BZW1: variants seen among roughly 807,000 people sequenced by gnomAD.
BZW1 encodes the protein basic leucine zipper and W2 domains 1.
BZW1 carries 3 observed loss-of-function variants against 54.1 expected under a neutral mutation model. That is an observed-to-expected ratio of 0.06 (90% CI 0.03 to 0.14). The LOEUF (loss-of-function observed/expected upper bound fraction) is 0.14, where lower values mean the gene tolerates loss of function less well. Among genes scored for constraint, BZW1 ranks in the 10% least tolerant of loss-of-function variants. The probability of loss-of-function intolerance (pLI) is 1.00; values close to 1 mark genes in which losing one functional copy is unlikely to be tolerated. For missense variants in BZW1, 206 were observed against 491.7 expected (o/e 0.42, Z 5.50); for synonymous variants, 152 against 162.7 (o/e 0.93, Z 0.50).
chr2:200,811,656 G>A (rs1446698211), upstream of BZW1: 4 of 152,350 alleles, frequency 2.6e-5, no homozygotes, highest in Non-Finnish European at 5.9e-5. Context: ...CATGTGTGAA[G>A]AGGGCGGACG....
chr2:200,815,312 T>A, intron 2 of BZW1, 29 bp from the exon 3 acceptor site: 1 of 1,564,678 alleles, frequency 6.4e-7, no homozygotes, highest in Non-Finnish European at 8.7e-7. Flanking sequence ...CTTTTAAAAC[T>A]AAATGTTTTG....
At position 200,826,803 on chromosome 2, in the gene BZW1, T is replaced by C. The variant is rs1203961842; in HGVS notation, c.*4625T>C. On this transcript the variant is annotated 3_prime_UTR_variant, in exon 12 of 12. Coordinates refer to ENST00000409600, the MANE Select transcript of BZW1 (RefSeq NM_001207067.2). Reference sequence around the variant, plus strand: ...AGAATGTTGGTGGTTGTGTAGTGCATTTGGGGTGCTACAACGTTAATCAAA... The same window carrying C: ...AGAATGTTGGTGGTTGTGTAGTGCACTTGGGGTGCTACAACGTTAATCAAA... 2 of 152,184 alleles carry C rather than the reference T, an allele frequency of 1.3e-5. No individual in the cohort carries two copies. The highest frequency in any genetic ancestry group is 4.8e-5 in the African/African-American group (2 of 41,440). The allele number at this position is 152,184 out of a possible 1,614,324, so 9.4% of individuals were successfully genotyped here.
At position 200,825,553 on chromosome 2, in the gene BZW1, C is replaced by G. The variant is rs1198897177; in HGVS notation, c.*3375C>G. The G allele has an allele frequency of 6.6e-6, 1 of 152,202 alleles. No homozygotes were observed. The highest frequency in any genetic ancestry group is 2.4e-5 in the African/African-American group (1 of 41,436). The allele number at this position is 152,202 out of a possible 1,614,324, so 9.4% of individuals were successfully genotyped here. ...CGAAATTCATTTTCAGCCAATCTTT[C>G]ACCAGTTGTGCTTTGTTCCTTACCC... On this transcript the variant is annotated 3_prime_UTR_variant, in exon 12 of 12. Coordinates refer to ENST00000409600, the MANE Select transcript of BZW1 (RefSeq NM_001207067.2).
chr2:200,818,161 A>G, intron 7 of BZW1, 62 bp from the exon 8 acceptor site: 3 of 1,512,114 alleles, frequency 2.0e-6, no homozygotes, highest in Non-Finnish European at 2.7e-6. Context: ...AAGACTGTGA[A>G]AAGAAAGTGT....
intron 5 of BZW1, 37 bp downstream of exon 5, chr2:200,816,427 A>G (rs544261132): frequency 1.4e-4 from 196 of 1,408,716 alleles, no homozygotes; most frequent in Non-Finnish European, 1.9e-4. Flanking sequence ...AAAGAAAAAA[A>G]TAGGGTTAGA....
At position 200,815,731 on chromosome 2, in the gene BZW1, A is replaced by G. The variant is rs1452821577; in HGVS notation, c.306A>G (p.Glu102=). Residue 102 remains glutamate (E), a synonymous_variant, in exon 4 of 12, where the codon GAA becomes GAG. Coordinates refer to ENST00000409600, the MANE Select transcript of BZW1 (RefSeq NM_001207067.2). ...ATGTCTGCGTGTTTGCAGCCCAAGA[A>G]GATCTAGAGACCATGCAAGCATTTG... ...RTDVCVFAAQ[E]DLETMQAFAQ... 3.2e-6 allele frequency: 5 copies of G among 1,585,126 alleles called. No individual in the cohort carries two copies. The highest frequency in any genetic ancestry group is 4.3e-6 in the Non-Finnish European group (5 of 1,165,774).
At chr2:200,819,107 C>A in intron 9 of BZW1, 1 of 594,968 alleles carries the variant, frequency 1.7e-6, no homozygotes, top group Non-Finnish European at 2.7e-6. Context: ...AAGAATATGG[C>A]CTGGCCAGGC....
intron 7 of BZW1, 66 bp from the exon 8 acceptor site, chr2:200,818,155 CTG>C (rs1429913979): frequency 7.9e-6 from 12 of 1,509,564 alleles, no homozygotes; most frequent in South Asian, 6.3e-5. Flanking sequence ...ATTTTTAAGA[CTG>C]TGAAAAGAAA....
rs1276127239 is a variant in BZW1, at chr2:200,812,673, G to GGC, written c.-10-535_-10-534insGC. 1.2e-4 allele frequency: 139 copies of GGC among 1,114,880 alleles called. No individual in the cohort carries two copies. In the East Asian group the frequency reaches 1.8e-3, roughly 15 times the overall value. The allele number at this position is 1,114,880 out of a possible 1,614,324, so 69.1% of individuals were successfully genotyped here. A position where few individuals can be genotyped will look rare whatever the true frequency, so the allele number is the denominator to read the frequency against. On this transcript the variant is annotated intron_variant, in intron 1 of 11. Coordinates refer to ENST00000409600, the MANE Select transcript of BZW1 (RefSeq NM_001207067.2). ...ATGGGCGAAGGAGGCTGGGCTGGCTGTTAGTTTTGCAGGCCTGAGTGGTGC... is the reference window on the plus strand; with the variant it reads ...ATGGGCGAAGGAGGCTGGGCTGGCTGGCTTAGTTTTGCAGGCCTGAGTGGTGC...
At chr2:200,821,366 A>G (rs568290252) in intron 11 of BZW1, 61 bp downstream of exon 11, 5 of 1,579,968 alleles carry the variant, frequency 3.2e-6, no homozygotes, top group South Asian at 2.3e-5. Context: ...GCCATAATAT[A>G]TCTTCACACA....
At position 200,815,704 on chromosome 2, in the gene BZW1, A is replaced by G. The variant is rs781319463; in HGVS notation, c.279A>G (p.Thr93=). Residue 93 remains threonine (T), a synonymous_variant, in exon 4 of 12, where the codon ACA becomes ACG. Transcript: ENST00000409600. ...GGTLADDMMR[T]DVCVFAAQED... is the part of the protein sequence containing the mutation. Reference sequence around the variant, plus strand: ...CACTGGCAGATGACATGATGCGTACAGATGTCTGCGTGTTTGCAGCCCAAG... The same window carrying G: ...CACTGGCAGATGACATGATGCGTACGGATGTCTGCGTGTTTGCAGCCCAAG... 2 of 1,596,442 alleles carry G rather than the reference A, an allele frequency of 1.3e-6. No homozygotes were observed. Among genetic ancestry groups the G allele is most frequent in the South Asian group, 2.3e-5 (2 of 87,966 alleles).
intron 10 of BZW1, 136 bp from the exon 11 acceptor site, chr2:200,821,047 T>C (rs1435564920): frequency 9.4e-7 from 1 of 1,059,218 alleles, no homozygotes; most frequent in African/African-American, 1.6e-5. Flanking sequence ...CATGTATTAT[T>C]ATCTTCCATT....
intron 6 of BZW1, 85 bp downstream of exon 6, chr2:200,817,326 G>A: frequency 6.8e-7 from 1 of 1,469,754 alleles, no homozygotes; most frequent in East Asian, 2.3e-5. Context: ...TGTGACTTCT[G>A]TGAAAGTCTT....
chr2:200,818,653 G>A (rs965981055), intron 8 of BZW1, 102 bp from the exon 9 acceptor site: 9 of 1,332,876 alleles, frequency 6.8e-6, no homozygotes, highest in African/African-American at 3.0e-5. Flanking sequence ...CCAGTTGCAT[G>A]GAAAAGGAGT....
chr2:200,815,113 A>G (rs1412985371), intron 2 of BZW1, among the ~76,000 whole-genome samples: 4 of 152,264 alleles, frequency 2.6e-5, no homozygotes, highest in Non-Finnish European at 5.9e-5. Context: ...GGCTTATGGC[A>G]GTAGGAACAC....
At chr2:200,817,057 A>T (rs761175683) in intron 5 of BZW1, 49 bp from the exon 6 acceptor site, 1 of 1,589,646 alleles carries the variant, frequency 6.3e-7, no homozygotes, top group Admixed American at 1.8e-5. Context: ...TGCTTCTCTT[A>T]TTGTAATGCA....
rs115174217 is a variant in BZW1 at position 200,822,081 on chromosome 2, A to G, written c.1229-66A>G. 2,392 of 1,451,476 alleles carry G rather than the reference A, an allele frequency of 1.6e-3. 31 individuals are homozygous for G. The African/African-American group carries it at 0.024, about 15-fold the overall frequency. The allele number at this position is 1,451,476 out of a possible 1,614,324, so 89.9% of individuals were successfully genotyped here. A position where few individuals can be genotyped will look rare whatever the true frequency, so the allele number is the denominator to read the frequency against. The stretch of plus-strand genomic sequence containing the variant: ...GAGACTCTGTCTTAAAGAAGCTTCA[A>G]AGTTATAAATGGGAACTTTTGCCTT... On this transcript the variant is annotated intron_variant, in intron 11 of 11. Transcript: ENST00000409600.
At chr2:200,821,055 A>G (rs2038490273) in intron 10 of BZW1, 128 bp from the exon 11 acceptor site, 4 of 1,153,616 alleles carry the variant, frequency 3.5e-6, no homozygotes, top group Non-Finnish European at 4.9e-6. Flanking sequence ...ATTATCTTCC[A>G]TTTCTCATGG....
At chr2:200,819,011 G>T in intron 9 of BZW1, 110 bp downstream of exon 9, 1 of 1,258,846 alleles carries the variant, frequency 7.9e-7, no homozygotes, top group Non-Finnish European at 1.1e-6. Context: ...GGTTCCTAGG[G>T]ATGGCCCACC....
Sources: allele counts gnomAD v4.1 joint callset (sites outside exome capture counted in the v4.1 genomes callset), GRCh38; gene constraint gnomAD v4.1.1; transcripts MANE v1.5; gene names NCBI Gene and HGNC (gene_info 2026-07-23, HGNC 2026-07-21).